The following TENM2 variants were observed in gnomAD, a reference collection of about 807,000 sequenced individuals.
The protein encoded by TENM2 is teneurin transmembrane protein 2, also known as teneurin-2.
A neutral mutation model predicts 245.2 loss-of-function variants in TENM2; 52 were observed. The observed-to-expected ratio is 0.21, with a 90% CI of 0.17 to 0.27. The LOEUF is 0.27. TENM2 is among the 10% of genes least tolerant of loss of function. The probability of loss-of-function intolerance (pLI) is 1.00; values close to 1 mark genes in which losing one functional copy is unlikely to be tolerated. For missense variants in TENM2, 3,046 were observed against 3,666.8 expected (o/e 0.83, Z 4.37); for synonymous variants, 1,363 against 1,438.9 (o/e 0.95, Z 1.19).
intron 2 of TENM2, among the ~76,000 whole-genome samples, chr5:167,534,255 G>GA (rs1771701952): frequency 1.3e-5 from 2 of 152,136 alleles, no homozygotes; most frequent in African/African-American, 4.8e-5. Context: ...CTGGGTAGAG[G>GA]AAAAAATAAA....
At chr5:167,892,009 C>A (rs1774798846) in intron 3 of TENM2, among the ~76,000 whole-genome samples, 1 of 152,172 alleles carries the variant, frequency 6.6e-6, no homozygotes, top group African/African-American at 2.4e-5. Flanking sequence ...CTATGCTAAG[C>A]AAACTCTATT....
intron 2 of TENM2, among the ~76,000 whole-genome samples, chr5:167,776,071 A>G (rs979670833): frequency 1.3e-5 from 2 of 151,938 alleles, no homozygotes; most frequent in African/African-American, 4.8e-5. Context: ...AATGGCATTA[A>G]AAAGAATTCC....
At chr5:167,494,281 C>T (rs1164822670) in intron 2 of TENM2, among the ~76,000 whole-genome samples, 1 of 151,900 alleles carries the variant, frequency 6.6e-6, no homozygotes, top group Non-Finnish European at 1.5e-5. Context: ...GAAGATATAA[C>T]AATTAACTGA....
At chr5:168,032,935 G>T (rs550316389) in intron 5 of TENM2, among the ~76,000 whole-genome samples, 1 of 152,270 alleles carries the variant, frequency 6.6e-6, no homozygotes, top group East Asian at 1.9e-4. Context: ...GTAGCATGTG[G>T]ACACACTTCT....
At chr5:167,843,771 G>A (rs914345254) in intron 2 of TENM2, among the ~76,000 whole-genome samples, 2 of 152,098 alleles carry the variant, frequency 1.3e-5, no homozygotes, top group Admixed American at 1.3e-4. Flanking sequence ...GATGATAAAG[G>A]TTTATGCTGG....
At chr5:167,888,144 A>G (rs1394127697) in intron 3 of TENM2, among the ~76,000 whole-genome samples, 2 of 152,242 alleles carry the variant, frequency 1.3e-5, no homozygotes, top group Non-Finnish European at 2.9e-5. Flanking sequence ...ATCAAGAGTC[A>G]GGACTTCATA....
intron 12 of TENM2, among the ~76,000 whole-genome samples, chr5:168,136,735 A>G (rs1331407636): frequency 2.0e-5 from 3 of 152,282 alleles, no homozygotes; most frequent in Admixed American, 1.3e-4. Context: ...CAGGCTCTCA[A>G]CCCAGGGTAG....
intron 2 of TENM2, among the ~76,000 whole-genome samples, chr5:167,533,495 G>A (rs1249358736): frequency 6.6e-6 from 1 of 152,066 alleles, no homozygotes; most frequent in Non-Finnish European, 1.5e-5. Context: ...CGAGCCTGGA[G>A]CACATGGAGC....
chr5:168,123,152 A>G (rs1795594061), intron 10 of TENM2, among the ~76,000 whole-genome samples: 1 of 151,678 alleles, frequency 6.6e-6, no homozygotes, highest in African/African-American at 2.4e-5. Context: ...AAAAAAACAT[A>G]GCTGGACATG....
chr5:167,956,971 A>G (rs1381503982), intron 4 of TENM2, among the ~76,000 whole-genome samples: 1 of 152,106 alleles, frequency 6.6e-6, no homozygotes, highest in East Asian at 1.9e-4. Context: ...TGCTATCAGG[A>G]TGATGCTGGC....
chr5:167,276,582 A>G, the TENM2 span, among the ~76,000 whole-genome samples: 1 of 151,976 alleles, frequency 6.6e-6, no homozygotes, highest in Non-Finnish European at 1.5e-5. Flanking sequence ...TAGTACAATT[A>G]CCTCTCAGCA....
In TENM2 at chr5:167,679,555, T is replaced by A. The variant is rs550867726; in HGVS notation, c.503-196431T>A. 5.3e-5 allele frequency among the ~76,000 whole-genome samples: 8 copies of A among 152,294 alleles called. No individual in the cohort carries two copies. The South Asian group carries it at 1.7e-3, about 32-fold the overall frequency. On this transcript the variant is annotated intron_variant, in intron 2 of 28. Coordinates refer to ENST00000518659, the Ensembl canonical transcript of TENM2. ...GATTAATTTCAACATAATATATTCA[T>A]AATTCCACTCTTACCAGTTTTCTCT...
intron 2 of TENM2, among the ~76,000 whole-genome samples, chr5:167,481,670 C>T (rs1483549147): frequency 2.0e-5 from 3 of 152,178 alleles, no homozygotes; most frequent in Non-Finnish European, 4.4e-5. Context: ...GAAATAGAAG[C>T]TCACTCTAGA....
intron 19 of TENM2, among the ~76,000 whole-genome samples, chr5:168,207,868 T>C (rs1314530395): frequency 2.0e-5 from 3 of 152,236 alleles, no homozygotes; most frequent in Non-Finnish European, 2.9e-5. Flanking sequence ...ACAAGTTCTA[T>C]ACACTTAAAT....
intron 1 of TENM2, among the ~76,000 whole-genome samples, chr5:167,374,580 A>G (rs1299296667): frequency 6.6e-6 from 1 of 152,136 alleles, no homozygotes; most frequent in Non-Finnish European, 1.5e-5. Flanking sequence ...GAATTACCAT[A>G]AATGAGACTT....
At chr5:167,948,414 T>A (rs1363198499) in intron 3 of TENM2, among the ~76,000 whole-genome samples, 1 of 152,246 alleles carries the variant, frequency 6.6e-6, no homozygotes, top group Non-Finnish European at 1.5e-5. Flanking sequence ...CAGACAGCAG[T>A]GCTCATTCAA....
chr5:167,672,140 C>G (rs1407559903), intron 2 of TENM2, among the ~76,000 whole-genome samples: 1 of 151,840 alleles, frequency 6.6e-6, no homozygotes, highest in African/African-American at 2.4e-5. Flanking sequence ...CATTCAAAAC[C>G]TATACAAACT....
intron 2 of TENM2, among the ~76,000 whole-genome samples, chr5:167,475,571 G>C (rs994107690): frequency 6.6e-6 from 1 of 151,958 alleles, no homozygotes; most frequent in Admixed American, 6.6e-5. Context: ...GTGGTTTGCT[G>C]CACCTGTCAA....
exon 14 of TENM2, chr5:168,190,480 C>G (rs748698315): frequency 7.8e-5 from 126 of 1,613,858 alleles, no homozygotes; most frequent in Non-Finnish European, 1.0e-4. Context: ...CTTCTATGAC[C>G]GTATCAAGCT....
Sources: gnomAD v4.1 joint callset for allele counts (sites outside exome capture counted in the v4.1 genomes callset) on GRCh38, gnomAD v4.1.1 for gene constraint, MANE v1.5 for transcripts, NCBI Gene and HGNC (gene_info 2026-07-23, HGNC 2026-07-21) for gene names.